Variants in CDH18 observed in about 807,000 individuals in gnomAD.
The protein encoded by CDH18 is cadherin 18.
Under a neutral mutation model 67.9 loss-of-function variants are expected in CDH18, and 31 were observed. That is an observed-to-expected ratio of 0.46 (90% CI 0.34 to 0.62). The LOEUF is 0.62. Among genes scored for constraint, CDH18 ranks in the 20% least tolerant of loss-of-function variants. The pLI is 0.01. For missense variants in CDH18, 890 were observed against 975.5 expected (o/e 0.91, Z 1.17); for synonymous variants, 362 against 347.2 (o/e 1.04, Z -0.48).
chr5:19,862,030 A>G (rs139572117), intron 2 of CDH18, among the ~76,000 whole-genome samples: 1 of 152,152 alleles, frequency 6.6e-6, no homozygotes, highest in Non-Finnish European at 1.5e-5. Context: ...TGAATTCGAC[A>G]TAGGTGGAAA....
At chr5:20,094,881 C>G (rs1441526772) in intron 2 of CDH18, among the ~76,000 whole-genome samples, 1 of 152,048 alleles carries the variant, frequency 6.6e-6, no homozygotes, top group Non-Finnish European at 1.5e-5. Flanking sequence ...GCACTATTCA[C>G]AATAGCAAAG....
intron 2 of CDH18, among the ~76,000 whole-genome samples, chr5:20,132,465 C>A (rs1322144808): frequency 1.3e-5 from 2 of 152,054 alleles, no homozygotes; most frequent in Non-Finnish European, 2.9e-5. Context: ...TAACTACAGT[C>A]TATAATTCTA....
intron 1 of CDH18, among the ~76,000 whole-genome samples, chr5:20,552,196 G>T (rs1757669144): frequency 1.3e-5 from 2 of 151,830 alleles, no homozygotes; most frequent in South Asian, 4.1e-4. Context: ...AAAGCATTCA[G>T]GTGGGCGCAT....
chr5:19,711,514 A>T (rs1280050448), intron 5 of CDH18, among the ~76,000 whole-genome samples: 2 of 152,038 alleles, frequency 1.3e-5, no homozygotes, highest in African/African-American at 4.8e-5. Flanking sequence ...TGTAAAAGAC[A>T]TTTCTCAAAA....
At chr5:20,189,066 T>C (rs1031824897) in intron 2 of CDH18, among the ~76,000 whole-genome samples, 1 of 152,034 alleles carries the variant, frequency 6.6e-6, no homozygotes, top group Non-Finnish European at 1.5e-5. Flanking sequence ...CAGGCAAGTA[T>C]TATTCAGCCT....
At chr5:20,206,153 T>C (rs1739867129) in intron 2 of CDH18, among the ~76,000 whole-genome samples, 2 of 151,258 alleles carry the variant, frequency 1.3e-5, no homozygotes, top group East Asian at 1.9e-4. Context: ...GAAAAATGAG[T>C]TATAGCAACT....
intron 2 of CDH18, among the ~76,000 whole-genome samples, chr5:19,926,855 A>G (rs1042814106): frequency 6.6e-6 from 1 of 152,130 alleles, no homozygotes; most frequent in African/African-American, 2.4e-5. Context: ...ATAAATATGT[A>G]TATAGATACA....
At chr5:19,903,952 A>T (rs1790237953) in intron 2 of CDH18, among the ~76,000 whole-genome samples, 1 of 152,032 alleles carries the variant, frequency 6.6e-6, no homozygotes, top group African/African-American at 2.4e-5. Context: ...CTATCCAATA[A>T]AGCCACATAA....
chr5:20,229,174 A>T (rs1025329102), intron 2 of CDH18, among the ~76,000 whole-genome samples: 3 of 152,126 alleles, frequency 2.0e-5, no homozygotes, highest in African/African-American at 7.2e-5. Flanking sequence ...TATTTTATGT[A>T]TAAACATATA....
At chr5:19,856,711 A>T (rs935784357) in intron 2 of CDH18, among the ~76,000 whole-genome samples, 2 of 151,802 alleles carry the variant, frequency 1.3e-5, no homozygotes, top group Non-Finnish European at 2.9e-5. Context: ...CAGCAAAAAA[A>T]AAAATAAAAA....
At chr5:19,862,104 A>G (rs1784968873) in intron 2 of CDH18, among the ~76,000 whole-genome samples, 2 of 152,192 alleles carry the variant, frequency 1.3e-5, no homozygotes, top group Non-Finnish European at 2.9e-5. Flanking sequence ...AGAGCAATGA[A>G]GAACATGCCC....
At chr5:19,809,449 A>G (rs756130519) in intron 3 of CDH18, among the ~76,000 whole-genome samples, 2 of 152,226 alleles carry the variant, frequency 1.3e-5, no homozygotes, top group Non-Finnish European at 2.9e-5. Flanking sequence ...TAATGGGTGC[A>G]GCACAGCAAC....
At chr5:20,095,599 G>GAAAGAAAGAAAGAAAGAAAGAAT (rs1554089721) in intron 2 of CDH18, among the ~76,000 whole-genome samples, 1 of 121,162 alleles carries the variant, frequency 8.3e-6, no homozygotes, top group East Asian at 2.4e-4. Context: ...GAAGAAAGAA[G>GAAAGAAAGAAAGAAAGAAAGAAT]AAAGAAAGAA....
chr5:20,129,101 GATATAA>G, intron 2 of CDH18, among the ~76,000 whole-genome samples: 1 of 151,980 alleles, frequency 6.6e-6, no homozygotes, highest in East Asian at 1.9e-4. Flanking sequence ...AAGCATATGT[GATATAA>G]AAATGAAGTA....
chr5:20,093,074 GA>G (rs1036098340), intron 2 of CDH18, among the ~76,000 whole-genome samples: 29 of 151,902 alleles, frequency 1.9e-4, no homozygotes, highest in African/African-American at 6.8e-4. Flanking sequence ...CAGTGGTATT[GA>G]AAATATTAAT....
intron 1 of CDH18, among the ~76,000 whole-genome samples, chr5:20,389,734 A>T (rs1325482878): frequency 6.6e-6 from 1 of 152,166 alleles, no homozygotes; most frequent in Non-Finnish European, 1.5e-5. Flanking sequence ...CTGACTTCAA[A>T]CTATACTACA....
intron 1 of CDH18, among the ~76,000 whole-genome samples, chr5:20,417,955 T>G (rs867835059): frequency 1.6e-4 from 24 of 152,216 alleles, no homozygotes; most frequent in African/African-American, 5.1e-4. Flanking sequence ...AAAATTAATA[T>G]AGTTTACACA....
intron 1 of CDH18, among the ~76,000 whole-genome samples, chr5:20,524,397 T>C (rs1218327391): frequency 6.6e-6 from 1 of 152,218 alleles, no homozygotes; most frequent in Non-Finnish European, 1.5e-5. Context: ...GTTTGTTTAG[T>C]CAATTTGTTA....
At chr5:19,709,399 T>G (rs1764408856) in intron 5 of CDH18, among the ~76,000 whole-genome samples, 1 of 152,020 alleles carries the variant, frequency 6.6e-6, no homozygotes, top group African/African-American at 2.4e-5. Flanking sequence ...GAAACCCATC[T>G]CTACTAAAAA....
Sources: gnomAD v4.1 joint callset for allele counts (sites outside exome capture counted in the v4.1 genomes callset) on GRCh38, gnomAD v4.1.1 for gene constraint, MANE v1.5 for transcripts, NCBI Gene and HGNC (gene_info 2026-07-23, HGNC 2026-07-21) for gene names.